Variants in PIK3C2G observed in about 807,000 individuals in gnomAD.
PIK3C2G encodes the protein phosphatidylinositol 3-kinase C2 domain-containing subunit gamma.
PIK3C2G carries 168 observed loss-of-function variants against 181.1 expected under a neutral mutation model. The observed-to-expected ratio is 0.93, with a 90% confidence interval of 0.82 to 1.05. The LOEUF (loss-of-function observed/expected upper bound fraction) is 1.05, where lower values mean the gene tolerates loss of function less well. PIK3C2G is among the 50% of genes least tolerant of loss of function. PIK3C2G has a pLI of 0.00. For missense variants in PIK3C2G, 1,869 were observed against 1,732.8 expected, an observed-to-expected ratio of 1.08 and a Z score of -1.40; for synonymous variants, 573 against 592.2, an observed-to-expected ratio of 0.97 and a Z score of 0.47.
the PIK3C2G span, among the ~76,000 whole-genome samples, chr12:18,667,408 A>G: frequency 6.6e-6 from 1 of 152,176 alleles, no homozygotes; most frequent in Non-Finnish European, 1.5e-5. Flanking sequence ...ACCTGTATCT[A>G]TCTGCTCTCA....
chr12:18,328,095 C>A (rs1036867027), intron 8 of PIK3C2G, among the ~76,000 whole-genome samples: 3 of 152,004 alleles, frequency 2.0e-5, no homozygotes, highest in East Asian at 1.9e-4. Flanking sequence ...ACACTAGAAT[C>A]TAGTAATTGT....
At chr12:18,445,232 G>A (rs770714512) in intron 18 of PIK3C2G, among the ~76,000 whole-genome samples, 68 of 151,684 alleles carry the variant, frequency 4.5e-4, no homozygotes, top group South Asian at 2.1e-4. Context: ...CATCTTTTCA[G>A]TGGTGAAGAA....
chr12:18,525,665 A>G (rs575827902), intron 24 of PIK3C2G, among the ~76,000 whole-genome samples: 169 of 152,210 alleles, frequency 1.1e-3, no homozygotes, highest in African/African-American at 3.9e-3. Context: ...CCCTAAAATC[A>G]CCCATAATGG....
chr12:18,675,776 C>T, the PIK3C2G span, among the ~76,000 whole-genome samples: 2 of 148,950 alleles, frequency 1.3e-5, no homozygotes, highest in Non-Finnish European at 3.0e-5. Context: ...TCAGAAGTAT[C>T]AAATACCACA....
rs537971257 is a variant in PIK3C2G, at chr12:18,612,538, C to T, written c.4182+2909C>T. On this transcript the variant is annotated intron_variant, in intron 31 of 32. Transcript: ENST00000538779. ...TAGGATGTTTTCATCTTCCAAAAAT[C>T]ATCACAGCAAAGTTATGCATTGCAT... is the stretch of plus-strand genomic sequence containing the variant. Among the ~76,000 whole-genome samples, 9 of 152,204 alleles carry T rather than the reference C, an allele frequency of 5.9e-5. No homozygotes were observed. The South Asian group carries it at 1.9e-3, about 32-fold the overall frequency.
At chr12:18,592,999 G>A (rs1230297590) in intron 29 of PIK3C2G, among the ~76,000 whole-genome samples, 1 of 151,910 alleles carries the variant, frequency 6.6e-6, no homozygotes, top group Non-Finnish European at 1.5e-5. Context: ...CTGTAGGGTT[G>A]GTTCCTTCTG....
chr12:18,317,692 T>G (rs1405130426), intron 6 of PIK3C2G, among the ~76,000 whole-genome samples: 2 of 152,176 alleles, frequency 1.3e-5, no homozygotes, highest in African/African-American at 4.8e-5. Flanking sequence ...CTGGAGCACA[T>G]AGGCCTAGCT....
chr12:18,546,571 A>C (rs1176282429), intron 26 of PIK3C2G, 139 bp downstream of exon 26: 22 of 608,354 alleles, frequency 3.6e-5, no homozygotes, highest in Non-Finnish European at 5.6e-5. Context: ...CCCTTTCCCA[A>C]AGAGCAGAAA....
At chr12:18,692,708 T>G in the PIK3C2G span, 1 of 777,804 alleles carries the variant, frequency 1.3e-6, no homozygotes, top group Non-Finnish European at 2.1e-6. Flanking sequence ...AAATACAGAC[T>G]TTGAATCATC....
chr12:18,277,534 T>C (rs1027213912), intron 1 of PIK3C2G, among the ~76,000 whole-genome samples: 41 of 152,164 alleles, frequency 2.7e-4, no homozygotes, highest in African/African-American at 9.9e-4. Flanking sequence ...AAATTGTATA[T>C]TCCTAAAATT....
At chr12:18,449,432 C>T (rs1027453496) in intron 18 of PIK3C2G, among the ~76,000 whole-genome samples, 4 of 152,172 alleles carry the variant, frequency 2.6e-5, no homozygotes, top group Admixed American at 2.0e-4. Flanking sequence ...AGGTATCTGT[C>T]CTAATGCTCT....
chr12:18,357,301 G>A (rs542217427), intron 11 of PIK3C2G, among the ~76,000 whole-genome samples: 18 of 151,758 alleles, frequency 1.2e-4, no homozygotes, highest in African/African-American at 4.3e-4. Flanking sequence ...AGGTGTGGGT[G>A]TGTGTGTGTG....
intron 18 of PIK3C2G, among the ~76,000 whole-genome samples, chr12:18,441,912 T>C (rs991600610): frequency 6.6e-6 from 1 of 152,338 alleles, no homozygotes; most frequent in Non-Finnish European, 1.5e-5. Context: ...TGAAGCTTTG[T>C]TTTCTTTTAA....
At chr12:18,255,252 TAAACAAAC>T (rs764503759) in intron 1 of PIK3C2G, among the ~76,000 whole-genome samples, 2 of 143,646 alleles carry the variant, frequency 1.4e-5, no homozygotes, top group Admixed American at 6.9e-5. Flanking sequence ...AATAAATAAA[TAAACAAAC>T]AAACAAACAA....
chr12:18,525,336 G>A (rs1943165892), intron 24 of PIK3C2G, among the ~76,000 whole-genome samples: 1 of 151,702 alleles, frequency 6.6e-6, no homozygotes, highest in South Asian at 2.1e-4. Flanking sequence ...AGTTTGCAGT[G>A]AACCAAGATT....
At chr12:18,559,465 G>A (rs1592580204) in intron 26 of PIK3C2G, among the ~76,000 whole-genome samples, 1 of 152,134 alleles carries the variant, frequency 6.6e-6, no homozygotes, top group East Asian at 1.9e-4. Flanking sequence ...AGAGTCAACA[G>A]TTATTTGTTG....
the PIK3C2G span, among the ~76,000 whole-genome samples, chr12:18,675,944 A>G: frequency 6.6e-6 from 1 of 152,116 alleles, no homozygotes; most frequent in African/African-American, 2.4e-5. Context: ...CAAGCACATT[A>G]GAAACTCAAA....
intron 18 of PIK3C2G, 45 bp downstream of exon 18, chr12:18,424,084 C>A: frequency 9.1e-7 from 1 of 1,104,770 alleles, no homozygotes; most frequent in Non-Finnish European, 1.4e-6. Flanking sequence ...TAATTGCCAC[C>A]TTCTCTATGG....
chr12:18,715,657 G>GT, the PIK3C2G span: 1 of 152,076 alleles, frequency 6.6e-6, no homozygotes, highest in Admixed American at 6.6e-5. Flanking sequence ...GTCTGTTTTT[G>GT]TTTTTGTTTT....
Sources: gnomAD v4.1 joint callset for allele counts (sites outside exome capture counted in the v4.1 genomes callset) on GRCh38, gnomAD v4.1.1 for gene constraint, MANE v1.5 for transcripts, NCBI Gene and HGNC (gene_info 2026-07-23, HGNC 2026-07-21) for gene names.